The following ADA2 variants were observed in gnomAD, a reference collection of about 807,000 sequenced individuals.
ADA2 encodes adenosine deaminase 2.
In ADA2, 29 loss-of-function variants were observed where a neutral mutation model predicts 44.2. The observed-to-expected ratio is 0.66, with a 90% confidence interval of 0.49 to 0.89. The LOEUF (loss-of-function observed/expected upper bound fraction) is 0.89. ADA2 is among the 40% of genes least tolerant of loss of function. The pLI is 0.00. For missense variants in ADA2, 637 were observed against 644.8 expected (o/e 0.99, Z 0.13); for synonymous variants, 215 against 234.9 (o/e 0.92, Z 0.77).
intron 7 of ADA2, among the ~76,000 whole-genome samples, chr22:17,188,083 G>C (rs1228358034): frequency 1.2e-5 from 1 of 85,290 alleles, no homozygotes; most frequent in Non-Finnish European, 2.5e-5. Context: ...GTAAAAAAAA[G>C]AAAAAAAAAG....
intron 5 of ADA2, 145 bp from the exon 6 acceptor site, chr22:17,190,177 C>A: frequency 1.6e-6 from 1 of 628,088 alleles, no homozygotes. Context: ...CCCTCCTGAC[C>A]CCACCCTGAC....
At chr22:17,182,051 T>A in intron 8 of ADA2, 29 bp from the exon 9 acceptor site, 1 of 1,561,464 alleles carries the variant, frequency 6.4e-7, no homozygotes, top group Non-Finnish European at 8.8e-7. Flanking sequence ...GGGAGAAAGA[T>A]GAACTCTGAT....
intron 4 of ADA2, chr22:17,199,506 A>G: frequency 2.0e-6 from 3 of 1,521,034 alleles, no homozygotes; most frequent in Non-Finnish European, 2.7e-6. Flanking sequence ...CTCCCACACC[A>G]AGACAGTTGT....
chr22:17,183,454 C>CTATTTTTTTT lies in ADA2; in HGVS notation c.1082-694_1082-693insAAAAAAAATA, dbSNP rs1568967612. Among the ~76,000 whole-genome samples the CTATTTTTTTT allele has an allele frequency of 2.6e-5, 2 of 76,138 alleles. 1 individual carries two copies. Among genetic ancestry groups the CTATTTTTTTT allele is most frequent in the Non-Finnish European group, 5.5e-5 (2 of 36,550 alleles). 49.9% of individuals were successfully genotyped at this position (76,138 alleles called of 152,430 possible). A position where few individuals can be genotyped will look rare whatever the true frequency, so the allele number is the denominator to read the frequency against. On this transcript the variant is annotated intron_variant, in intron 7 of 9. Transcript: ENST00000399837. ...CTTTCCTTCTTCCTCTTTTGTGGCA[C>CTATTTTTTTT]TCTTTTTTTTTTTTTTTTTTTTTTG...
intron 1 of ADA2, among the ~76,000 whole-genome samples, chr22:17,212,723 G>T (rs949107720): frequency 1.3e-5 from 2 of 151,292 alleles, no homozygotes; most frequent in African/African-American, 4.8e-5. Context: ...ATACAAAATG[G>T]CCAATACGTA....
intron 4 of ADA2, among the ~76,000 whole-genome samples, chr22:17,196,397 A>G (rs2062191727): frequency 2.0e-5 from 3 of 152,102 alleles, no homozygotes; most frequent in Admixed American, 2.0e-4. Context: ...TATAATCCAC[A>G]TAAATAAAAG....
At chr22:17,206,816 C>T (rs548368614) in intron 3 of ADA2, among the ~76,000 whole-genome samples, 8 of 152,252 alleles carry the variant, frequency 5.3e-5, no homozygotes, top group African/African-American at 1.9e-4. Flanking sequence ...AGCACCACAC[C>T]TGGCTAATTT....
intron 4 of ADA2, among the ~76,000 whole-genome samples, chr22:17,192,385 C>T (rs147139919): frequency 6.6e-6 from 1 of 152,142 alleles, no homozygotes; most frequent in Non-Finnish European, 1.5e-5. Flanking sequence ...TGACGTCATT[C>T]CCCACTACCT....
At chr22:17,198,909 C>G (rs2062230835) in intron 4 of ADA2, 1 of 152,828 alleles carries the variant, frequency 6.5e-6, no homozygotes, top group Non-Finnish European at 1.5e-5. Flanking sequence ...CAGGATAGTC[C>G]GTCCACAGCA....
At chr22:17,209,298 C>T (rs1268441602) in intron 2 of ADA2, 58 bp downstream of exon 2, 1 of 1,403,354 alleles carries the variant, frequency 7.1e-7, no homozygotes, top group Non-Finnish European at 9.9e-7. Context: ...CAGTAATAGC[C>T]CCAAGATGAG....
At chr22:17,214,754 G>C (rs1256061649) in intron 1 of ADA2, among the ~76,000 whole-genome samples, 1 of 152,202 alleles carries the variant, frequency 6.6e-6, no homozygotes, top group African/African-American at 2.4e-5. Context: ...AAGAATGGAA[G>C]GAAACACTTT....
At chr22:17,184,363 A>G (rs1298300964) in intron 7 of ADA2, among the ~76,000 whole-genome samples, 2 of 152,056 alleles carry the variant, frequency 1.3e-5, no homozygotes, top group African/African-American at 4.8e-5. Context: ...TTAACGCTGG[A>G]CTGGGAGGTT....
At chr22:17,196,946 G>T (rs2062198584) in intron 4 of ADA2, among the ~76,000 whole-genome samples, 1 of 152,236 alleles carries the variant, frequency 6.6e-6, no homozygotes, top group African/African-American at 2.4e-5. Context: ...GCCGAGGCAG[G>T]CGAATCACCT....
chr22:17,206,097 T>G (rs753183445), intron 3 of ADA2, among the ~76,000 whole-genome samples: 12 of 152,204 alleles, frequency 7.9e-5, no homozygotes, highest in Non-Finnish European at 1.8e-4. Flanking sequence ...TGTCATCACT[T>G]CAGAGCTAGG....
intron 5 of ADA2, 63 bp downstream of exon 5, chr22:17,191,620 C>A: frequency 6.3e-7 from 1 of 1,576,842 alleles, no homozygotes; most frequent in Non-Finnish European, 8.7e-7. Flanking sequence ...CCCCTCCCAG[C>A]CTAGTAGCTC....
Position 17,190,024 on chromosome 22 carries a change from T to C in ADA2, c.890A>G (p.Asp297Gly), listed in dbSNP as rs1206868200. The change falls in exon 6 of 10, where the codon GAT (aspartate) becomes GGT (glycine). Residue 297 changes from aspartate (D) to glycine (G), a missense_variant. Transcript: ENST00000399837. ...KIIYSDHRSK[D>G]VAVIAESIRM... Reference sequence around the variant, plus strand: ...GATGGATTCTGCGATGACAGCCACATCTTTGGATCTGTGAGACAGACAGAG... The same window carrying C: ...GATGGATTCTGCGATGACAGCCACACCTTTGGATCTGTGAGACAGACAGAG... 1 of 1,612,884 alleles carries C rather than the reference T, an allele frequency of 6.2e-7. No individual in the cohort carries two copies. The highest frequency in any genetic ancestry group is 8.5e-7 in the Non-Finnish European group (1 of 1,179,038).
chr22:17,197,321 G>A (rs1284960712), intron 4 of ADA2, among the ~76,000 whole-genome samples: 1 of 147,938 alleles, frequency 6.8e-6, no homozygotes, highest in Admixed American at 6.9e-5. Flanking sequence ...AGGCTGCAGT[G>A]CAGTGGCATG....
intron 4 of ADA2, among the ~76,000 whole-genome samples, chr22:17,200,630 C>T (rs1034325585): frequency 6.6e-6 from 1 of 151,848 alleles, no homozygotes; most frequent in Non-Finnish European, 1.5e-5. Context: ...CATGGTGGCT[C>T]GTAATCTTTG....
chr22:17,199,769 T>C (rs2062251018), intron 4 of ADA2: 3 of 1,440,526 alleles, frequency 2.1e-6, no homozygotes, highest in Non-Finnish European at 2.7e-6. Flanking sequence ...CTTTCCAGGC[T>C]TTAGTTTCGA....
Sources: allele counts gnomAD v4.1 joint callset (sites outside exome capture counted in the v4.1 genomes callset), GRCh38; gene constraint gnomAD v4.1.1; transcripts MANE v1.5; gene names NCBI Gene and HGNC (gene_info 2026-07-23, HGNC 2026-07-21).